The following PDGFC variants were observed in gnomAD, a reference collection of about 807,000 sequenced individuals.
The protein encoded by PDGFC is platelet-derived growth factor C.
PDGFC carries 12 observed loss-of-function variants against 35.5 expected under a neutral mutation model. That is an observed-to-expected ratio of 0.34 (90% confidence interval 0.22 to 0.55). The LOEUF (loss-of-function observed/expected upper bound fraction) is 0.55. PDGFC is among the 20% of genes least tolerant of loss of function. The pLI, the probability that PDGFC is intolerant of heterozygous loss-of-function variation, is 0.91. For missense variants in PDGFC, 322 were observed against 412.4 expected (o/e 0.78, Z 1.90); for synonymous variants, 159 against 148.8 (o/e 1.07, Z -0.50).
intron 1 of PDGFC, among the ~76,000 whole-genome samples, chr4:156,874,900 T>G (rs1039179340): frequency 6.6e-6 from 1 of 151,996 alleles, no homozygotes; most frequent in East Asian, 1.9e-4. Context: ...TATTTTTTTG[T>G]AGAGAAGGGT....
At chr4:156,891,816 C>A (rs1475681066) in intron 1 of PDGFC, among the ~76,000 whole-genome samples, 1 of 152,184 alleles carries the variant, frequency 6.6e-6, no homozygotes, top group Non-Finnish European at 1.5e-5. Context: ...ATTCACCATT[C>A]ATAATGCCAA....
Position 156,881,117 on chromosome 4 carries a change from T to C in PDGFC, c.119-30701A>G, listed in dbSNP as rs540814688. On this transcript the variant is annotated intron_variant, in intron 1 of 5. Transcript: ENST00000502773. ...GAGTCAATTGATGCAGCAAACTTCA[T>C]TGTTGTCTTCGTTTAGGAAACTGCC... is the stretch of plus-strand genomic sequence containing the variant. Among the ~76,000 whole-genome samples, 610 of 152,296 alleles carry C rather than the reference T, an allele frequency of 4.0e-3. 1 individual carries two copies. Among genetic ancestry groups the C allele is most frequent in the African/African-American group, 0.014 (584 of 41,564 alleles).
chr4:156,823,887 AT>A (rs1285506610), intron 2 of PDGFC, among the ~76,000 whole-genome samples: 1 of 152,176 alleles, frequency 6.6e-6, no homozygotes, highest in East Asian at 1.9e-4. Context: ...AAACATTGGA[AT>A]ACTATACAGC....
intron 1 of PDGFC, among the ~76,000 whole-genome samples, chr4:156,913,336 C>T (rs545827659): frequency 5.9e-5 from 9 of 152,126 alleles, no homozygotes; most frequent in African/African-American, 2.2e-4. Context: ...ACATGACCTA[C>T]AGGCTTGCAA....
At chr4:156,912,505 C>T (rs1173832198) in intron 1 of PDGFC, among the ~76,000 whole-genome samples, 1 of 152,128 alleles carries the variant, frequency 6.6e-6, no homozygotes, top group Non-Finnish European at 1.5e-5. Context: ...TCCTTCCTTC[C>T]TTTCCTATCT....
At chr4:156,828,145 C>G (rs1728832866) in intron 2 of PDGFC, among the ~76,000 whole-genome samples, 1 of 152,212 alleles carries the variant, frequency 6.6e-6, no homozygotes, top group African/African-American at 2.4e-5. Flanking sequence ...AGGGAGCACT[C>G]TGGCTCTGGA....
At chr4:156,911,268 C>A (rs1006445097) in intron 1 of PDGFC, among the ~76,000 whole-genome samples, 2 of 152,114 alleles carry the variant, frequency 1.3e-5, no homozygotes, top group East Asian at 3.9e-4. Context: ...ATTTGAAAAT[C>A]TCTTACATCC....
At chr4:156,773,524 G>A (rs1318950230) in intron 3 of PDGFC, among the ~76,000 whole-genome samples, 1 of 152,094 alleles carries the variant, frequency 6.6e-6, no homozygotes, top group African/African-American at 2.4e-5. Context: ...ACTGTCATAA[G>A]ATTAGTATCC....
intron 1 of PDGFC, among the ~76,000 whole-genome samples, chr4:156,869,079 A>T (rs995501883): frequency 6.6e-6 from 1 of 152,080 alleles, no homozygotes; most frequent in Non-Finnish European, 1.5e-5. Flanking sequence ...AAATCTGATA[A>T]TTTTTTTACT....
At chr4:156,792,834 C>T (rs1731333302) in intron 3 of PDGFC, among the ~76,000 whole-genome samples, 1 of 152,154 alleles carries the variant, frequency 6.6e-6, no homozygotes, top group African/African-American at 2.4e-5. Flanking sequence ...TCACTCTTGC[C>T]TCTTCTTTTG....
intron 1 of PDGFC, among the ~76,000 whole-genome samples, chr4:156,960,568 T>G (rs1000862342): frequency 6.6e-6 from 1 of 151,764 alleles, no homozygotes; most frequent in Non-Finnish European, 1.5e-5. Context: ...ATAAAATGCA[T>G]AGTTGTAGAG....
chr4:156,832,676 C>A (rs1260486508), intron 2 of PDGFC, among the ~76,000 whole-genome samples: 3 of 152,212 alleles, frequency 2.0e-5, no homozygotes, highest in Non-Finnish European at 4.4e-5. Context: ...GACCCCTGAA[C>A]AACGGGCGTT....
chr4:156,928,937 G>T (rs537523945), intron 1 of PDGFC, among the ~76,000 whole-genome samples: 1 of 152,224 alleles, frequency 6.6e-6, no homozygotes, highest in East Asian at 1.9e-4. Context: ...GTACTTACAT[G>T]GGAGCTAAGC....
intron 2 of PDGFC, among the ~76,000 whole-genome samples, chr4:156,849,912 C>T (rs1346988629): frequency 6.6e-6 from 1 of 151,936 alleles, no homozygotes; most frequent in Non-Finnish European, 1.5e-5. Context: ...CAACTACAGT[C>T]CTTTATACAG....
At chr4:156,894,836 G>A (rs534386307) in intron 1 of PDGFC, among the ~76,000 whole-genome samples, 58 of 152,200 alleles carry the variant, frequency 3.8e-4, no homozygotes, top group African/African-American at 1.4e-3. Context: ...TCAGATTTAG[G>A]TTCCATCAAT....
At chr4:156,773,253 T>A (rs1221240237) in intron 3 of PDGFC, among the ~76,000 whole-genome samples, 2 of 152,154 alleles carry the variant, frequency 1.3e-5, no homozygotes, top group Non-Finnish European at 2.9e-5. Context: ...TTTTCCTTAA[T>A]CTGAAAAATT....
chr4:156,858,252 T>G (rs1729629565), intron 1 of PDGFC, among the ~76,000 whole-genome samples: 1 of 152,082 alleles, frequency 6.6e-6, no homozygotes. Flanking sequence ...AACATGGCAT[T>G]TTTGCCTTAA....
intron 1 of PDGFC, among the ~76,000 whole-genome samples, chr4:156,868,471 C>A (rs1337749610): frequency 4.6e-5 from 7 of 152,140 alleles, no homozygotes; most frequent in African/African-American, 1.4e-4. Context: ...CTCAGTACAT[C>A]TGGTAGAAGA....
intron 2 of PDGFC, among the ~76,000 whole-genome samples, chr4:156,835,074 T>A (rs181563715): frequency 6.6e-6 from 1 of 152,292 alleles, no homozygotes; most frequent in Admixed American, 6.5e-5. Context: ...AGATGAGGTG[T>A]GGGATAGGGT....
Sources: allele counts gnomAD v4.1 joint callset (sites outside exome capture counted in the v4.1 genomes callset), GRCh38; gene constraint gnomAD v4.1.1; transcripts MANE v1.5; gene names NCBI Gene and HGNC (gene_info 2026-07-23, HGNC 2026-07-21).